The following MTHFD1L variants were observed in gnomAD, a reference collection of about 807,000 sequenced individuals.
The protein encoded by MTHFD1L is methylenetetrahydrofolate dehydrogenase (NADP+ dependent) 1 like.
Under a neutral mutation model 119.5 loss-of-function variants are expected in MTHFD1L, and 81 were observed. The ratio of observed to expected loss-of-function variants is 0.68; its 90% CI spans 0.57 to 0.82. The LOEUF (loss-of-function observed/expected upper bound fraction) is 0.82, where lower values mean the gene tolerates loss of function less well. Ranked by LOEUF, MTHFD1L falls within the 40% of genes least tolerant of loss-of-function variation. MTHFD1L has a pLI of 0.00. For missense variants in MTHFD1L, 1,125 were observed against 1,253.4 expected, an observed-to-expected ratio of 0.90 and a Z score of 1.55; for synonymous variants, 430 against 475.2, an observed-to-expected ratio of 0.90 and a Z score of 1.24.
intron 8 of MTHFD1L, among the ~76,000 whole-genome samples, chr6:150,916,292 C>CTTTTTTT (rs71554488): frequency 2.5e-5 from 1 of 39,986 alleles, no homozygotes; most frequent in Non-Finnish European, 4.6e-5. Flanking sequence ...AAGGTAGAAT[C>CTTTTTTT]TTTTTTTTTT....
intron 27 of MTHFD1L, among the ~76,000 whole-genome samples, chr6:151,096,505 C>T (rs972294594): frequency 6.6e-6 from 1 of 152,170 alleles, no homozygotes; most frequent in African/African-American, 2.4e-5. Context: ...GTCTGTTTCC[C>T]GTGCCTCTCA....
chr6:150,875,097 C>G (rs1027515546), intron 1 of MTHFD1L, among the ~76,000 whole-genome samples: 4 of 151,828 alleles, frequency 2.6e-5, no homozygotes, highest in Non-Finnish European at 4.4e-5. Flanking sequence ...GCTCTGCCAC[C>G]CAGGCTGGAG....
intron 1 of MTHFD1L, chr6:150,866,303 C>G (rs1465910190): frequency 6.8e-7 from 1 of 1,474,862 alleles, no homozygotes; most frequent in Admixed American, 2.4e-5. Context: ...CCAATGGGCG[C>G]CTAGCGGCAT....
rs1056029964 is a variant in MTHFD1L at position 150,869,796 on chromosome 6, T to C, written c.227+3747T>C. On this transcript the variant is annotated intron_variant, in intron 1 of 27. Coordinates refer to ENST00000367321, the MANE Select transcript of MTHFD1L (RefSeq NM_015440.5). ...TGGAATAGACATCCAGGAGCGGAAG[T>C]GTATTAGTCAGAAAAATTAAAGAAT... Among the ~76,000 whole-genome samples the C allele has an allele frequency of 7.2e-5, 11 of 152,040 alleles. No individual in the cohort carries two copies. The South Asian group carries it at 1.2e-3, about 17-fold the overall frequency.
chr6:150,959,098 G>A (rs1040857995), intron 17 of MTHFD1L: 1 of 770,576 alleles, frequency 1.3e-6, no homozygotes. Flanking sequence ...GACCACTTAT[G>A]TTTGGAATGA....
At chr6:150,948,795 CAT>C (rs1213643869) in intron 15 of MTHFD1L, among the ~76,000 whole-genome samples, 26,815 of 136,466 alleles carry the variant, frequency 0.2, 4,464 homozygotes, top group East Asian at 0.34. Flanking sequence ...CATGCGCCAC[CAT>C]GCCCAGCTAA....
At chr6:150,931,780 A>G (rs1323953534) in intron 11 of MTHFD1L, among the ~76,000 whole-genome samples, 1 of 152,198 alleles carries the variant, frequency 6.6e-6, no homozygotes, top group Admixed American at 6.5e-5. Flanking sequence ...AGTAAATTAT[A>G]AACTTCTTTT....
chr6:151,078,475 TC>T (rs1792803579), intron 26 of MTHFD1L, among the ~76,000 whole-genome samples: 1 of 152,204 alleles, frequency 6.6e-6, no homozygotes, highest in Non-Finnish European at 1.5e-5. Flanking sequence ...CTTCCATTTC[TC>T]TGGGTCAGCT....
chr6:151,016,995 G>A (rs997984619), intron 24 of MTHFD1L, among the ~76,000 whole-genome samples: 5 of 146,502 alleles, frequency 3.4e-5, no homozygotes, highest in African/African-American at 1.3e-4. Context: ...GGCTGGTCTC[G>A]AACTCCTGAG....
chr6:151,040,356 G>A (rs776476541), intron 26 of MTHFD1L, among the ~76,000 whole-genome samples: 3 of 152,128 alleles, frequency 2.0e-5, no homozygotes, highest in Non-Finnish European at 4.4e-5. Flanking sequence ...AGAATAGTTT[G>A]GTGTAAAAAT....
At chr6:151,063,414 C>T (rs1424794541) in intron 26 of MTHFD1L, among the ~76,000 whole-genome samples, 1 of 152,172 alleles carries the variant, frequency 6.6e-6, no homozygotes, top group African/African-American at 2.4e-5. Context: ...TTTATTGCCT[C>T]GTTTGTCATC....
chr6:150,927,872 T>C (rs868298292), intron 11 of MTHFD1L, among the ~76,000 whole-genome samples: 1 of 152,236 alleles, frequency 6.6e-6, no homozygotes, highest in Middle Eastern at 3.4e-3. Context: ...GTTCCATCAA[T>C]AAGTGCTACC....
At chr6:151,063,953 TGCTTATTTTC>T (rs146993389) in intron 26 of MTHFD1L, among the ~76,000 whole-genome samples, 7,196 of 152,032 alleles carry the variant, frequency 0.047, 213 homozygotes, top group Middle Eastern at 0.095. Context: ...TTTCTGGAAG[TGCTTATTTTC>T]AGCACATGCT....
At chr6:150,920,835 C>T (rs186706112) in intron 9 of MTHFD1L, among the ~76,000 whole-genome samples, 2 of 152,092 alleles carry the variant, frequency 1.3e-5, no homozygotes, top group East Asian at 1.9e-4. Context: ...TGCAGTGGCA[C>T]GATCTCAGCT....
Position 150,918,607 on chromosome 6 carries a change from A to G in MTHFD1L, c.923A>G (p.His308Arg), listed in dbSNP as rs1340875129. 6.2e-7 allele frequency: 1 copy of G among 1,614,002 alleles called. No individual in the cohort carries two copies. The highest frequency in any genetic ancestry group is 8.5e-7 in the Non-Finnish European group (1 of 1,179,960). ...GTTGGGTGTGGCTCTCCAAGAATAC[A>G]TTTTGGTGGACTCATTGAGGAAGAT... is the stretch of plus-strand genomic sequence containing the variant. ...GKVGCGSPRI[H>R]FGGLIEEDDV... is the part of the protein sequence containing the mutation. The change falls in exon 9 of 28, where the codon CAT becomes CGT. Residue 308 changes from histidine to arginine, a missense_variant. Physicochemically the swap from His to Arg is conservative, Grantham distance 29 (BLOSUM62 0). Around this residue, in one of 3 missense-constraint regions of MTHFD1L, gnomAD observed 1,058 missense variants for 1,151.2 expected, o/e 0.92. Coordinates refer to ENST00000367321, the MANE Select transcript of MTHFD1L (RefSeq NM_015440.5).
chr6:151,069,251 T>TC (rs1791671966), intron 26 of MTHFD1L, among the ~76,000 whole-genome samples: 9 of 136,588 alleles, frequency 6.6e-5, no homozygotes, highest in African/African-American at 8.3e-5. Context: ...TTCTCTCTCT[T>TC]TCTCTCTCTC....
intron 7 of MTHFD1L, among the ~76,000 whole-genome samples, chr6:150,904,046 C>A (rs567541207): frequency 2.4e-4 from 36 of 152,158 alleles, no homozygotes; most frequent in Non-Finnish European, 4.1e-4. Flanking sequence ...GTAGGACTGT[C>A]ATGGGTTTGC....
intron 24 of MTHFD1L, among the ~76,000 whole-genome samples, chr6:151,019,621 A>AG (rs1783664906): frequency 6.6e-6 from 1 of 152,172 alleles, no homozygotes; most frequent in East Asian, 1.9e-4. Flanking sequence ...TTTTCTTGTA[A>AG]CAGAAATTCG....
intron 5 of MTHFD1L, among the ~76,000 whole-genome samples, 196 bp from the exon 6 acceptor site, chr6:150,885,438 C>T (rs1293221116): frequency 6.6e-6 from 1 of 152,196 alleles, no homozygotes; most frequent in Non-Finnish European, 1.5e-5. Context: ...TCATGTGATC[C>T]ACCCGCCTCA....
Sources: allele counts gnomAD v4.1 joint callset (sites outside exome capture counted in the v4.1 genomes callset), GRCh38; gene constraint gnomAD v4.1.1; regional missense constraint gnomAD v4.1.1; transcripts MANE v1.5; gene names NCBI Gene and HGNC (gene_info 2026-07-23, HGNC 2026-07-21).